MIR2052HG: variants seen among roughly 807,000 people sequenced by gnomAD.
The protein encoded by MIR2052HG is MIR2052 host gene.
intron 4 of MIR2052HG, among the ~76,000 whole-genome samples, chr8:74,726,221 T>C (rs567828250): frequency 1.3e-5 from 2 of 152,102 alleles, no homozygotes; most frequent in Non-Finnish European, 2.9e-5. Context: ...ATCTTGATAG[T>C]CATACTCAGT....
At chr8:74,709,772 T>A (rs1354231243) in intron 4 of MIR2052HG, among the ~76,000 whole-genome samples, 1 of 152,064 alleles carries the variant, frequency 6.6e-6, no homozygotes, top group African/African-American at 2.4e-5. Context: ...TTGGGCTGAG[T>A]TCTGGCAATA....
chr8:74,737,974 TTATCTATGTATG>T (rs1291383719), intron 4 of MIR2052HG, among the ~76,000 whole-genome samples: 1 of 151,756 alleles, frequency 6.6e-6, no homozygotes, highest in Non-Finnish European at 1.5e-5. Context: ...CTTTTATCTA[TTATCTATGTATG>T]TATGTATGTA....
At position 74,634,806 on chromosome 8, in the gene MIR2052HG, T is replaced by A. The variant is rs534221897; in HGVS notation, n.216+21866T>A. ...CAAGACAGAAACGGACAACGAAATC[T>A]GAGGGGTCCATAGCTTTATGCTAGT... is the stretch of plus-strand genomic sequence containing the variant. On this transcript the variant is annotated intron_variant and non_coding_transcript_variant, in intron 2 of 6. Coordinates refer to ENST00000523442, the Ensembl canonical transcript of MIR2052HG. Among the ~76,000 whole-genome samples, 8 of 152,242 alleles carry A rather than the reference T, an allele frequency of 5.3e-5. 1 individual carries two copies. In the South Asian group the frequency reaches 1.7e-3, roughly 32 times the overall value.
At chr8:74,739,110 G>C (rs1416948718) in intron 4 of MIR2052HG, among the ~76,000 whole-genome samples, 1 of 152,192 alleles carries the variant, frequency 6.6e-6, no homozygotes, top group African/African-American at 2.4e-5. Context: ...AATTAGAGTA[G>C]TGTGTATTTA....
At chr8:74,753,415 A>T (rs944518839) in intron 5 of MIR2052HG, among the ~76,000 whole-genome samples, 1 of 152,240 alleles carries the variant, frequency 6.6e-6, no homozygotes, top group African/African-American at 2.4e-5. Flanking sequence ...AATTGCATCA[A>T]TATTTTAGAA....
chr8:74,645,673 A>C (rs1424917972), intron 2 of MIR2052HG, among the ~76,000 whole-genome samples: 1 of 152,210 alleles, frequency 6.6e-6, no homozygotes, highest in African/African-American at 2.4e-5. Context: ...TTGACTTGAA[A>C]CTTAAAGCCC....
intron 4 of MIR2052HG, among the ~76,000 whole-genome samples, chr8:74,722,143 C>T (rs1809584008): frequency 6.6e-6 from 1 of 152,138 alleles, no homozygotes; most frequent in African/African-American, 2.4e-5. Flanking sequence ...TGCCACTGCA[C>T]TCCAGCCTGG....
intron 4 of MIR2052HG, among the ~76,000 whole-genome samples, chr8:74,734,516 G>C (rs1269626783): frequency 6.6e-6 from 1 of 152,192 alleles, no homozygotes; most frequent in East Asian, 1.9e-4. Context: ...GATCAGATCT[G>C]GCTCAGGACA....
chr8:74,727,506 G>C (rs1009641), intron 4 of MIR2052HG, among the ~76,000 whole-genome samples: 99,081 of 152,070 alleles, frequency 0.65, 33,913 homozygotes, highest in African/African-American at 0.87. Flanking sequence ...CCAAGAAGAC[G>C]ATGTTCAGAT....
chr8:74,678,290 G>A (rs1045104790), intron 2 of MIR2052HG, among the ~76,000 whole-genome samples: 6 of 152,122 alleles, frequency 3.9e-5, no homozygotes, highest in Non-Finnish European at 8.8e-5. Flanking sequence ...TGGACGTGGT[G>A]GCTCAGGCCT....
chr8:74,656,426 G>A (rs747923875), intron 2 of MIR2052HG, among the ~76,000 whole-genome samples: 1 of 152,100 alleles, frequency 6.6e-6, no homozygotes, highest in Non-Finnish European at 1.5e-5. Flanking sequence ...AATCATGGGG[G>A]CCAGTCTTTC....
intron 4 of MIR2052HG, among the ~76,000 whole-genome samples, chr8:74,746,877 A>G (rs1327087989): frequency 2.6e-5 from 4 of 152,158 alleles, no homozygotes; most frequent in Admixed American, 6.6e-5. Flanking sequence ...TGAAAGCTAA[A>G]CTGAAGAAAA....
chr8:74,720,493 T>A (rs1308715169), intron 4 of MIR2052HG, among the ~76,000 whole-genome samples: 1 of 152,212 alleles, frequency 6.6e-6, no homozygotes, highest in Non-Finnish European at 1.5e-5. Flanking sequence ...ACAAGTGACA[T>A]ATTTGTCAAA....
chr8:74,655,794 T>C (rs998035369), intron 2 of MIR2052HG, among the ~76,000 whole-genome samples: 1 of 152,124 alleles, frequency 6.6e-6, no homozygotes, highest in African/African-American at 2.4e-5. Flanking sequence ...GCCACCATCC[T>C]TCAGACCCCA....
At chr8:74,621,773 A>G (rs1224507483) in intron 2 of MIR2052HG, among the ~76,000 whole-genome samples, 1 of 152,192 alleles carries the variant, frequency 6.6e-6, no homozygotes, top group Admixed American at 6.5e-5. Context: ...GATTTTTAAC[A>G]AGGCTGCCAA....
intron 2 of MIR2052HG, among the ~76,000 whole-genome samples, chr8:74,622,751 C>T (rs531307616): frequency 6.6e-6 from 1 of 151,884 alleles, no homozygotes; most frequent in East Asian, 1.9e-4. Flanking sequence ...TATTGGTGAG[C>T]ATGCGGGGAA....
chr8:74,708,086 G>A (rs1056507979), intron 4 of MIR2052HG, among the ~76,000 whole-genome samples: 13 of 152,068 alleles, frequency 8.5e-5, no homozygotes, highest in Non-Finnish European at 1.9e-4. Flanking sequence ...AGAGTCTTCG[G>A]CTTTCTCTAT....
chr8:74,602,876 T>TCTTTCTTTCTTTCTTTCTTTC (rs1554570015), intron 1 of MIR2052HG, among the ~76,000 whole-genome samples: 185 of 136,958 alleles, frequency 1.4e-3, no homozygotes, highest in Middle Eastern at 3.8e-3. Context: ...TTTCTTTCTT[T>TCTTTCTTTCTTTCTTTCTTTC]TTTCTATTCA....
At chr8:74,718,892 A>G (rs551399292) in intron 4 of MIR2052HG, among the ~76,000 whole-genome samples, 3 of 152,118 alleles carry the variant, frequency 2.0e-5, no homozygotes, top group African/African-American at 7.2e-5. Context: ...TAATACCATC[A>G]CTCTGGGGGT....
Sources: allele counts gnomAD v4.1 joint callset (sites outside exome capture counted in the v4.1 genomes callset), GRCh38; gene constraint gnomAD v4.1.1; transcripts MANE v1.5; gene names NCBI Gene and HGNC (gene_info 2026-07-23, HGNC 2026-07-21).